Variants in ADPRHL1 observed in about 807,000 individuals in gnomAD.
ADPRHL1 encodes the protein ADP-ribosylhydrolase like 1, also known as inactive ADP-ribosyltransferase ARH2.
A neutral mutation model predicts 44.1 loss-of-function variants in ADPRHL1; 43 were observed. That is an observed-to-expected ratio of 0.98 (90% CI 0.76 to 1.26). The LOEUF is 1.26. Among genes scored for constraint, ADPRHL1 ranks in the 50% most tolerant of loss-of-function variants. The pLI, the probability that ADPRHL1 is intolerant of heterozygous loss-of-function variation, is 0.00. For missense variants in ADPRHL1, 2,022 were observed against 2,496.9 expected, an observed-to-expected ratio of 0.81 and a Z score of 4.05; for synonymous variants, 878 against 1,017.4, an observed-to-expected ratio of 0.86 and a Z score of 2.61.
At chr13:113,414,824 C>T (rs1301255711) in intron 7 of ADPRHL1, among the ~76,000 whole-genome samples, 11 of 151,928 alleles carry the variant, frequency 7.2e-5, no homozygotes, top group Admixed American at 2.6e-4. Context: ...TACAGGGGCC[C>T]GCCACCACGC....
At chr13:113,451,207 G>A (rs533755985) in intron 1 of ADPRHL1, among the ~76,000 whole-genome samples, 294 of 152,272 alleles carry the variant, frequency 1.9e-3, no homozygotes, top group African/African-American at 6.3e-3. Context: ...ATTATAGAGC[G>A]AGGATTATCA....
At chr13:113,412,326 C>T (rs567943334) in intron 7 of ADPRHL1, among the ~76,000 whole-genome samples, 85 of 152,274 alleles carry the variant, frequency 5.6e-4, no homozygotes, top group African/African-American at 1.8e-3. Context: ...TACAGGCGCC[C>T]GCCACCACGC....
At chr13:113,411,720 C>G (rs1183984713) in intron 7 of ADPRHL1, among the ~76,000 whole-genome samples, 1 of 152,260 alleles carries the variant, frequency 6.6e-6, no homozygotes, top group Non-Finnish European at 1.5e-5. Flanking sequence ...CCCCGCCTTG[C>G]TGAGGTGTCC....
rs2043802873 is a variant in ADPRHL1 at position 113,405,644 on chromosome 13, TC to T, written c.3637del (p.Glu1213ArgfsTer30). On this transcript the variant is annotated frameshift_variant, in exon 8 of 8. Coordinates refer to ENST00000612156, the MANE Select transcript of ADPRHL1 (RefSeq NM_001394807.1). LOFTEE classifies it low-confidence loss of function (END_TRUNC). ...EDIATLARHP[E>X]DAAALARHPE... ...GTGCCGGGCGAGGGCCGCAGCATCC[TC>T]CGGGTGGCGGGCGAGGGTCGCAATG... 24 of 1,232,760 alleles carry T rather than the reference TC, an allele frequency of 1.9e-5. No homozygotes were observed. The highest frequency in any genetic ancestry group is 2.4e-5 in the Non-Finnish European group (24 of 988,832). The allele number at this position is 1,232,760 out of a possible 1,614,324, so 76.4% of individuals were successfully genotyped here. A position where few individuals can be genotyped will look rare whatever the true frequency, so the allele number is the denominator to read the frequency against.
rs1047085153 is a variant in ADPRHL1, at chr13:113,409,505, G to A, written c.1062-1285C>T. 104 of 985,434 alleles carry A rather than the reference G, an allele frequency of 1.1e-4. No individual in the cohort carries two copies. Among genetic ancestry groups the A allele is most frequent in the African/African-American group, 7.8e-4 (45 of 57,380 alleles). The allele number at this position is 985,434 out of a possible 1,614,324, so 61.0% of individuals were successfully genotyped here. A position where few individuals can be genotyped will look rare whatever the true frequency, so the allele number is the denominator to read the frequency against. On this transcript the variant is annotated intron_variant, in intron 7 of 7. Coordinates refer to ENST00000612156, the MANE Select transcript of ADPRHL1 (RefSeq NM_001394807.1). This position sits in a 1 kb window ranked among gnomAD's most constrained non-coding sequence, Gnocchi z 4.2. ...CTCCAGGGCGGCCGCACAATGGCAC[G>A]TCCACATTTGTGGGAGAAGAGTCGG...
rs1052268914 is a variant in ADPRHL1 at position 113,404,367 on chromosome 13, G to C, written c.4915C>G (p.Arg1639Gly). Reference protein sequence around the residue: ...QEQTQKGAQERVQGQAQKGAQ... With the variant: ...QEQTQKGAQEGVQGQAQKGAQ... ...CCTTTCTGGGCCTGACCCTGAACCC[G>C]TTCCTGAGCCCCTTTCTGGGTCTGT... is the stretch of plus-strand genomic sequence containing the variant. The change falls in exon 8 of 8, where the codon CGG becomes GGG. Residue 1639 changes from arginine (R) to glycine (G), a missense_variant. This residue lies in a region of ADPRHL1 where 78 missense variants were observed against 76.5 expected (regional missense o/e 1.02). Coordinates refer to ENST00000612156, the MANE Select transcript of ADPRHL1 (RefSeq NM_001394807.1). The C allele has an allele frequency of 3.8e-6, 5 of 1,316,288 alleles. No individual in the cohort carries two copies. Among genetic ancestry groups the C allele is most frequent in the Admixed American group, 3.9e-5 (1 of 25,380 alleles). The allele number at this position is 1,316,288 out of a possible 1,614,324, so 81.5% of individuals were successfully genotyped here.
At chr13:113,448,466 A>C (rs1028620720) in intron 1 of ADPRHL1, among the ~76,000 whole-genome samples, 54 of 80,800 alleles carry the variant, frequency 6.7e-4, no homozygotes, top group African/African-American at 2.9e-3. Context: ...ACTATGTCCC[A>C]AAAAAAAAAA....
At chr13:113,432,123 C>T (rs1401238761) in intron 3 of ADPRHL1, among the ~76,000 whole-genome samples, 1 of 133,930 alleles carries the variant, frequency 7.5e-6, no homozygotes, top group African/African-American at 2.5e-5. Context: ...TTCAAATGTC[C>T]AGCTTTTTTT....
intron 1 of ADPRHL1, among the ~76,000 whole-genome samples, chr13:113,451,206 C>A (rs567202438): frequency 4.1e-4 from 63 of 152,200 alleles, no homozygotes; most frequent in African/African-American, 1.4e-3. Context: ...GATTATAGAG[C>A]GAGGATTATC....
chr13:113,405,600 A>T lies in ADPRHL1; in HGVS notation c.3682T>A (p.Tyr1228Asn). The part of the protein sequence containing the change: ...LARHPEAARL[Y>N]ISNTSAASRH... ...CTGGCTGCTGATGTGTTTGAAATGT[A>T]TAATCGGGCCGCCTCTGGGTGCCGG... Residue 1228 changes from tyrosine to asparagine, a missense_variant, in exon 8 of 8, where the codon TAC becomes AAC. Tyr to Asn is a moderately radical substitution (Grantham distance 143). Transcript: ENST00000612156. The T allele has an allele frequency of 1.6e-6, 2 of 1,232,630 alleles. No homozygotes were observed. The highest frequency in any genetic ancestry group is 2.0e-6 in the Non-Finnish European group (2 of 988,698). 76.4% of individuals were successfully genotyped at this position (1,232,630 alleles called of 1,614,324 possible).
intron 7 of ADPRHL1, among the ~76,000 whole-genome samples, chr13:113,421,421 C>T (rs1292613355): frequency 6.6e-6 from 1 of 150,884 alleles, no homozygotes; most frequent in Non-Finnish European, 1.5e-5. Flanking sequence ...CACGTCTACC[C>T]CTGGGGACAC....
chr13:113,408,192 C>T lies in ADPRHL1; in HGVS notation c.1090G>A (p.Val364Ile), dbSNP rs573936868. The T allele has an allele frequency of 4.8e-5, 59 of 1,232,042 alleles. No individual in the cohort carries two copies. The South Asian group carries it at 1.5e-3, about 31-fold the overall frequency. 76.3% of individuals were successfully genotyped at this position (1,232,042 alleles called of 1,614,324 possible). A position where few individuals can be genotyped will look rare whatever the true frequency, so the allele number is the denominator to read the frequency against. The change falls in exon 8 of 8, where the codon GTC (valine) becomes ATC (isoleucine). Residue 364 changes from valine (V) to isoleucine (I), a missense_variant. By Grantham distance (29) the Val-to-Ile change is conservative. Transcript: ENST00000612156. ...NRKSSKTCSD[V>I]MSVDAQTLKK... is the part of the protein sequence containing the mutation. The stretch of plus-strand genomic sequence containing the variant: ...AGGGTTTGGGCGTCCACAGACATGA[C>T]GTCACTGCAGGTCTTGCTGCTCTTC...
At chr13:113,446,450 G>A (rs2044138554) in intron 1 of ADPRHL1, among the ~76,000 whole-genome samples, 1 of 152,228 alleles carries the variant, frequency 6.6e-6, no homozygotes, top group Non-Finnish European at 1.5e-5. Context: ...CTGAAGAGAG[G>A]GGCAGTCCTG....
rs2043958194 is a variant in ADPRHL1 at position 113,425,072 on chromosome 13, C to A, written c.754G>T (p.Asp252Tyr). Residue 252 changes from aspartate to tyrosine, a missense_variant, in exon 5 of 8, where the codon GAT becomes TAT. Asp to Tyr is a radical substitution (Grantham distance 160). Around this residue, in one of 8 missense-constraint regions of ADPRHL1, gnomAD observed 437 missense variants for 430.7 expected, o/e 1.01. Transcript: ENST00000612156. ...ENKAIFPDNYDAEEREKTYRK... is the reference protein window; with the variant it reads ...ENKAIFPDNYYAEEREKTYRK... ...CTTACCTTTTCCCTCTCTTCTGCAT[C>A]ATAATTGTCGGGGAAGATGGCTTTA... The A allele has an allele frequency of 3.1e-6, 5 of 1,613,672 alleles. No homozygotes were observed. The highest frequency in any genetic ancestry group is 4.2e-6 in the Non-Finnish European group (5 of 1,179,946).
intron 4 of ADPRHL1, 72 bp downstream of exon 4, chr13:113,428,879 TG>T: frequency 6.3e-7 from 1 of 1,591,938 alleles, no homozygotes. Flanking sequence ...TTGAAGTATT[TG>T]GGGGCCCATG....
At chr13:113,419,072 CTCCTTCCTTCCTTCT>C (rs1566470065) in intron 7 of ADPRHL1, among the ~76,000 whole-genome samples, 16 of 101,608 alleles carry the variant, frequency 1.6e-4, no homozygotes, top group South Asian at 9.3e-4. Context: ...CCTTCACTCC[CTCCTTCCTTCCTTCT>C]TCCCTCCCTC....
intron 2 of ADPRHL1, among the ~76,000 whole-genome samples, chr13:113,435,029 G>T (rs2044039975): frequency 1.4e-5 from 2 of 138,018 alleles, no homozygotes; most frequent in Non-Finnish European, 3.1e-5. Context: ...CCCAGGTGTA[G>T]AGTGAACATA....
rs1000636897 is a variant in ADPRHL1, at chr13:113,405,324, C to A, written c.3958G>T (p.Ala1320Ser). 4 of 1,231,720 alleles carry A rather than the reference C, an allele frequency of 3.2e-6. No homozygotes were observed. Among genetic ancestry groups the A allele is most frequent in the African/African-American group, 1.6e-5 (1 of 64,426 alleles). The allele number at this position is 1,231,720 out of a possible 1,614,324, so 76.3% of individuals were successfully genotyped here. A position where few individuals can be genotyped will look rare whatever the true frequency, so the allele number is the denominator to read the frequency against. ...PDHLLPAVPPAEVDMGWVGGT... is the reference protein window; with the variant it reads ...PDHLLPAVPPSEVDMGWVGGT... ...CCTACCCACCCCATGTCCACCTCCG[C>A]GGGAGGCACTGCGGGAAGCAGATGG... The change falls in exon 8 of 8, where the codon GCG becomes TCG. Residue 1320 changes from alanine (A) to serine (S), a missense_variant. By Grantham distance (99) the Ala-to-Ser change is moderately conservative. This residue lies in a region of ADPRHL1 where 1,221 missense variants were observed against 1,517.8 expected (regional missense o/e 0.80). Transcript: ENST00000612156.
chr13:113,450,918 G>GTA (rs1566484726), intron 1 of ADPRHL1, among the ~76,000 whole-genome samples: 2 of 151,390 alleles, frequency 1.3e-5, no homozygotes, highest in Non-Finnish European at 2.9e-5. Context: ...AGGTGGAAGA[G>GTA]CAGTCTTCTC....
Sources: gnomAD v4.1 joint callset for allele counts (sites outside exome capture counted in the v4.1 genomes callset) on GRCh38, gnomAD v4.1.1 for gene constraint, gnomAD v4.1.1 regional missense constraint, Gnocchi (gnomAD v3.1) non-coding constraint, MANE v1.5 for transcripts, NCBI Gene and HGNC (gene_info 2026-07-23, HGNC 2026-07-21) for gene names.